Variants in DNAH5 observed in about 807,000 individuals in gnomAD.
The protein encoded by DNAH5 is axonemal beta dynein heavy chain 5.
In DNAH5, 372 loss-of-function variants were observed where a neutral mutation model predicts 518.2. The observed-to-expected ratio is 0.72, with a 90% CI of 0.66 to 0.78. The LOEUF is 0.78. Ranked by LOEUF, DNAH5 falls within the 30% of genes least tolerant of loss-of-function variation. The pLI is 0.00. For synonymous variants in DNAH5, 2,039 were observed against 2,025.9 expected, an observed-to-expected ratio of 1.01 and a Z score of -0.17; for missense variants, 5,523 against 5,687.0, an observed-to-expected ratio of 0.97 and a Z score of 0.93.
Position 13,824,267 on chromosome 5 carries a change from C to T in DNAH5, c.6511G>A (p.Ala2171Thr). 1.9e-6 allele frequency: 3 copies of T among 1,614,118 alleles called. No homozygotes were observed. The highest frequency in any genetic ancestry group is 2.2e-5 in the East Asian group (1 of 44,876). The change falls in exon 39 of 79, where the codon GCC becomes ACC. Residue 2171 changes from alanine (A) to threonine (T), a missense_variant. Around this residue, in one of 3 missense-constraint regions of DNAH5, gnomAD observed 5,121 missense variants for 5,223.3 expected, o/e 0.98. Coordinates refer to ENST00000265104, the MANE Select transcript of DNAH5 (RefSeq NM_001369.3). ...GTGGACTCCGTATCCATTGGATTGG[C>T]TCTTTTTGCTGCTCCCAAGGTCCGA... ...VLRTLGAAKR[A>T]NPMDTESTIV...
chr5:13,834,555 T>C (rs1224015448), intron 35 of DNAH5, among the ~76,000 whole-genome samples: 1 of 152,162 alleles, frequency 6.6e-6, no homozygotes, highest in East Asian at 1.9e-4. Context: ...AGCAAACAAA[T>C]CACATGAAGC....
In DNAH5 at chr5:13,770,850, T is replaced by C; in HGVS notation, c.9504A>G (p.Arg3168=). The C allele has an allele frequency of 6.2e-7, 1 of 1,614,028 alleles. No individual in the cohort carries two copies. Among genetic ancestry groups the C allele is most frequent in the Non-Finnish European group, 8.5e-7 (1 of 1,179,970 alleles). Residue 3168 remains arginine, a synonymous_variant, in exon 56 of 79, where the codon CGA becomes CGG. Coordinates refer to ENST00000265104, the MANE Select transcript of DNAH5 (RefSeq NM_001369.3). ...EKCVDYFQRF[R]RSTHVTPKSY... ...ATTTGGGCGTCACGTGGGTAGAACGTCGGAATCTCTGAAAATAATCAACAC... is the reference window on the plus strand; with the variant it reads ...ATTTGGGCGTCACGTGGGTAGAACGCCGGAATCTCTGAAAATAATCAACAC...
intron 34 of DNAH5, 53 bp downstream of exon 34, chr5:13,840,853 A>C (rs1765055379): frequency 7.2e-7 from 1 of 1,397,980 alleles, no homozygotes; most frequent in African/African-American, 1.4e-5. Context: ...AAATGCAGAT[A>C]GTGTCTAGAA....
At chr5:13,974,141 T>TC (rs1782068379) in intron 1 of DNAH5, among the ~76,000 whole-genome samples, 1 of 149,462 alleles carries the variant, frequency 6.7e-6, no homozygotes, top group African/African-American at 2.4e-5. Context: ...TTCTTTTCTT[T>TC]TCTTTTTTTT....
intron 52 of DNAH5, among the ~76,000 whole-genome samples, chr5:13,785,547 A>G (rs761456311): frequency 6.6e-6 from 1 of 152,246 alleles, no homozygotes; most frequent in Non-Finnish European, 1.5e-5. Context: ...TGTAACCACT[A>G]AGTATATTGT....
chr5:14,000,627 T>G (rs1354383365), intron 1 of DNAH5, among the ~76,000 whole-genome samples: 1 of 117,094 alleles, frequency 8.5e-6, no homozygotes, highest in South Asian at 3.2e-4. Flanking sequence ...TGGCTTTTGT[T>G]AAAAAGCCAA....
At chr5:13,998,895 G>T (rs114550727) in intron 1 of DNAH5, among the ~76,000 whole-genome samples, 9 of 151,958 alleles carry the variant, frequency 5.9e-5, no homozygotes, top group Non-Finnish European at 1.3e-4. Flanking sequence ...TTCTTGAAAC[G>T]GGGTCTCACT....
chr5:13,820,179 A>G (rs972414820), intron 41 of DNAH5, among the ~76,000 whole-genome samples, 167 bp downstream of exon 41: 1 of 152,184 alleles, frequency 6.6e-6, no homozygotes, highest in Admixed American at 6.5e-5. Context: ...TCTCTGGTTC[A>G]TTAATGTAAT....
rs1764851174 is a variant in DNAH5, at chr5:13,839,367, T to C, written c.5871A>G (p.Pro1957=). 6.2e-7 allele frequency: 1 copy of C among 1,614,036 alleles called. No homozygotes were observed. The highest frequency in any genetic ancestry group is 8.5e-7 in the Non-Finnish European group (1 of 1,179,922). Residue 1957 remains proline (P), a synonymous_variant, in exon 35 of 79, where the codon CCA becomes CCG. Coordinates refer to ENST00000265104, the MANE Select transcript of DNAH5 (RefSeq NM_001369.3). The part of the protein sequence containing the change: ...LGCTDRLVIT[P]LTDRCYITLA... ...AAGGGTTCCATCACCTGTCTGTAAG[T>C]GGAGTTATTACAAGCCTGTCAGTGC...
chr5:13,868,082 C>T (rs557299395), intron 24 of DNAH5, 90 bp from the exon 25 acceptor site: 5 of 1,022,150 alleles, frequency 4.9e-6, no homozygotes, highest in Non-Finnish European at 6.0e-6. Flanking sequence ...ATGGAAAATA[C>T]CAGAATAATA....
chr5:13,920,635 T>G lies in DNAH5; in HGVS notation c.661-18A>C. 2 of 1,613,786 alleles carry G rather than the reference T, an allele frequency of 1.2e-6. No homozygotes were observed. The highest frequency in any genetic ancestry group is 1.7e-6 in the Non-Finnish European group (2 of 1,179,730). ...AGGTTCACCTAATTAGAATGAAAAT[T>G]AAATAATCAGATGATGCTTTTGTAA... On this transcript the variant is annotated intron_variant, in intron 5 of 78. Transcript: ENST00000265104.
At chr5:14,002,692 A>C (rs1335399813) in intron 1 of DNAH5, among the ~76,000 whole-genome samples, 1 of 152,142 alleles carries the variant, frequency 6.6e-6, no homozygotes, top group Non-Finnish European at 1.5e-5. Context: ...TTAGCAGATC[A>C]AAAGTTCCCA....
chr5:13,898,546 T>C (rs1774190696), intron 15 of DNAH5: 4 of 398,440 alleles, frequency 1.0e-5, no homozygotes, highest in Non-Finnish European at 8.8e-6. Context: ...GGACTACAAG[T>C]CTGGGTTCTG....
chr5:13,810,623 G>A (rs951732133), intron 44 of DNAH5: 8 of 181,314 alleles, frequency 4.4e-5, no homozygotes, highest in Admixed American at 1.2e-4. Flanking sequence ...GGGTGGTGGC[G>A]GGCGCCTGTA....
chr5:13,738,623 G>A (rs1179435519), intron 65 of DNAH5, among the ~76,000 whole-genome samples: 1 of 152,146 alleles, frequency 6.6e-6, no homozygotes, highest in Non-Finnish European at 1.5e-5. Context: ...GAGAGGGAGA[G>A]ACAGAGGAAG....
intron 1 of DNAH5, among the ~76,000 whole-genome samples, chr5:13,988,229 G>A (rs968811639): frequency 1.3e-5 from 2 of 152,154 alleles, no homozygotes; most frequent in African/African-American, 2.4e-5. Flanking sequence ...AATGTAAATC[G>A]TAGAGAGTTG....
chr5:13,811,117 T>C (rs1760636583), intron 44 of DNAH5, among the ~76,000 whole-genome samples: 1 of 152,086 alleles, frequency 6.6e-6, no homozygotes, highest in South Asian at 2.1e-4. Context: ...ATGGGGATGA[T>C]GAATGGGTGC....
At chr5:13,979,158 C>G (rs2152064743) in intron 1 of DNAH5, among the ~76,000 whole-genome samples, 1 of 152,240 alleles carries the variant, frequency 6.6e-6, no homozygotes, top group East Asian at 1.9e-4. Context: ...GCTCACTGTT[C>G]CCTTTGCAGC....
At chr5:13,732,521 C>A (rs1746746230) in intron 68 of DNAH5, among the ~76,000 whole-genome samples, 1 of 152,086 alleles carries the variant, frequency 6.6e-6, no homozygotes, top group Admixed American at 6.5e-5. Context: ...TGTGAGCCAC[C>A]ACTCCTGGCT....
Sources: allele counts gnomAD v4.1 joint callset (sites outside exome capture counted in the v4.1 genomes callset), GRCh38; gene constraint gnomAD v4.1.1; regional missense constraint gnomAD v4.1.1; transcripts MANE v1.5; gene names NCBI Gene and HGNC (gene_info 2026-07-23, HGNC 2026-07-21).